The following STIM1 variants were observed in gnomAD, a reference collection of about 807,000 sequenced individuals.
The protein encoded by STIM1 is stromal interaction molecule 1.
A neutral mutation model predicts 74.7 loss-of-function variants in STIM1; 25 were observed. The observed-to-expected ratio is 0.33, with a 90% CI of 0.24 to 0.47. STIM1 has a LOEUF of 0.47. STIM1 is among the 20% of genes least tolerant of loss of function. The pLI is 1.00. For synonymous variants in STIM1, 328 were observed against 348.8 expected (o/e 0.94, Z 0.66); for missense variants, 728 against 920.8 (o/e 0.79, Z 2.71).
At chr11:4,086,421 C>G in intron 11 of STIM1, 56 bp from the exon 12 acceptor site, 1 of 1,599,784 alleles carries the variant, frequency 6.3e-7, no homozygotes, top group South Asian at 1.1e-5. Flanking sequence ...CACCTCCTTA[C>G]CTGCCAGCCC....
chr11:4,083,863 T>C (rs914092161), intron 10 of STIM1, among the ~76,000 whole-genome samples: 2 of 152,256 alleles, frequency 1.3e-5, no homozygotes, highest in African/African-American at 4.8e-5. Flanking sequence ...TTATTTATTT[T>C]GATTTTTGTT....
At chr11:4,025,034 C>G (rs989121695) in intron 3 of STIM1, among the ~76,000 whole-genome samples, 2 of 152,112 alleles carry the variant, frequency 1.3e-5, no homozygotes, top group Admixed American at 6.6e-5. Flanking sequence ...ATTTGAGGAA[C>G]CTTAGGCCTA....
intron 1 of STIM1, among the ~76,000 whole-genome samples, chr11:3,907,829 GAGAC>G (rs1184686009): frequency 1.3e-5 from 2 of 152,136 alleles, no homozygotes; most frequent in Admixed American, 6.6e-5. Flanking sequence ...TTGAACAATA[GAGAC>G]AGACATACTC....
At chr11:4,065,609 T>G (rs2133137971) in intron 5 of STIM1, among the ~76,000 whole-genome samples, 1 of 152,240 alleles carries the variant, frequency 6.6e-6, no homozygotes, top group East Asian at 1.9e-4. Context: ...GGGAGATGTG[T>G]GCTAGAAGTT....
At chr11:3,901,162 C>CAG (rs1202252807) in intron 1 of STIM1, among the ~76,000 whole-genome samples, 3 of 152,108 alleles carry the variant, frequency 2.0e-5, no homozygotes, top group Admixed American at 1.3e-4. Context: ...GCCTGGGCGA[C>CAG]AGAGAGAGAC....
At chr11:4,000,432 A>T (rs968819200) in intron 2 of STIM1, among the ~76,000 whole-genome samples, 5 of 151,918 alleles carry the variant, frequency 3.3e-5, no homozygotes, top group Admixed American at 6.6e-5. Flanking sequence ...GATCATGAAA[A>T]TCCGTGGTTC....
chr11:3,861,497 G>A (rs2090608911), intron 1 of STIM1, among the ~76,000 whole-genome samples: 1 of 152,182 alleles, frequency 6.6e-6, no homozygotes, highest in Admixed American at 6.5e-5. Context: ...GCCTCCCAAA[G>A]TGTGGGATTA....
intron 1 of STIM1, among the ~76,000 whole-genome samples, chr11:3,915,776 A>G (rs2092634665): frequency 6.6e-6 from 1 of 151,992 alleles, no homozygotes; most frequent in Non-Finnish European, 1.5e-5. Flanking sequence ...AAAAAGTTTG[A>G]CCAGCATGGT....
At chr11:3,877,570 G>C (rs1295833256) in intron 1 of STIM1, among the ~76,000 whole-genome samples, 2 of 152,160 alleles carry the variant, frequency 1.3e-5, no homozygotes, top group African/African-American at 4.8e-5. Context: ...CTTGACTTCT[G>C]TTCCGGATCA....
At chr11:3,999,657 T>A (rs934785789) in intron 2 of STIM1, 1 of 158,292 alleles carries the variant, frequency 6.3e-6, no homozygotes, top group Non-Finnish European at 1.4e-5. Context: ...AGCGACGCAG[T>A]AGACGGGTGA....
chr11:4,062,926 C>G (rs2094340875), intron 5 of STIM1, among the ~76,000 whole-genome samples: 1 of 152,028 alleles, frequency 6.6e-6, no homozygotes. Context: ...TAATCAGTCA[C>G]TAAAAGGAAT....
At chr11:3,909,795 G>GAA (rs5789316) in intron 1 of STIM1, among the ~76,000 whole-genome samples, 3,363 of 140,668 alleles carry the variant, frequency 0.024, 77 homozygotes, top group African/African-American at 0.058. Context: ...CCATCTCAAA[G>GAA]AAAAAAAAAA....
At chr11:4,045,759 C>T (rs550662131) in intron 3 of STIM1, among the ~76,000 whole-genome samples, 188 of 120,386 alleles carry the variant, frequency 1.6e-3, no homozygotes, top group Middle Eastern at 0.011. Context: ...TCCCTCAACA[C>T]TTCTTTTTTT....
At chr11:3,994,329 A>T (rs1029452818) in intron 2 of STIM1, among the ~76,000 whole-genome samples, 2 of 151,892 alleles carry the variant, frequency 1.3e-5, no homozygotes, top group East Asian at 3.8e-4. Context: ...TAATGTGTCT[A>T]TTTGTGGATC....
intron 2 of STIM1, among the ~76,000 whole-genome samples, chr11:3,971,034 T>C (rs2093387902): frequency 6.6e-6 from 1 of 152,086 alleles, no homozygotes; most frequent in Admixed American, 6.5e-5. Flanking sequence ...TCTGCAGCCG[T>C]AGTCAAAGGT....
intron 1 of STIM1, among the ~76,000 whole-genome samples, chr11:3,958,753 T>C (rs2093249124): frequency 6.6e-6 from 1 of 151,808 alleles, no homozygotes. Context: ...GTGGATCACC[T>C]CAGGTCAGGA....
chr11:3,975,898 C>G (rs2093443154), intron 2 of STIM1, among the ~76,000 whole-genome samples: 1 of 152,168 alleles, frequency 6.6e-6, no homozygotes, highest in South Asian at 2.1e-4. Flanking sequence ...GATGGGAATG[C>G]AAGATGATAC....
At chr11:3,980,315 G>C (rs1481496676) in intron 2 of STIM1, among the ~76,000 whole-genome samples, 4 of 152,142 alleles carry the variant, frequency 2.6e-5, no homozygotes, top group African/African-American at 9.7e-5. Flanking sequence ...ACTCTGCTCT[G>C]TCATTCAATG....
At chr11:4,083,210 T>G in intron 9 of STIM1, 53 bp from the exon 10 acceptor site, 1 of 1,567,916 alleles carries the variant, frequency 6.4e-7, no homozygotes, top group Non-Finnish European at 8.8e-7. Context: ...GCTTCATTCC[T>G]ATTGGGGCTC....
Sources: gnomAD v4.1 joint callset for allele counts (sites outside exome capture counted in the v4.1 genomes callset) on GRCh38, gnomAD v4.1.1 for gene constraint, MANE v1.5 for transcripts, NCBI Gene and HGNC (gene_info 2026-07-23, HGNC 2026-07-21) for gene names.